The following GADL1 variants were observed in gnomAD, a reference collection of about 807,000 sequenced individuals.
The protein encoded by GADL1 is GAD like acidic amino acid decarboxylase 1.
Under a neutral mutation model 69.5 loss-of-function variants are expected in GADL1, and 71 were observed. The ratio of observed to expected loss-of-function variants is 1.02; its 90% CI spans 0.84 to 1.25. GADL1 has a LOEUF of 1.25. Ranked by LOEUF, GADL1 falls within the 50% of genes most tolerant of loss-of-function variation. The pLI is 0.00. For synonymous variants in GADL1, 254 were observed against 214.4 expected, an observed-to-expected ratio of 1.18 and a Z score of -1.62; for missense variants, 737 against 631.8, an observed-to-expected ratio of 1.17 and a Z score of -1.79.
intron 14 of GADL1, among the ~76,000 whole-genome samples, chr3:30,765,221 T>C (rs304837): frequency 0.44 from 66,859 of 151,916 alleles, 14,729 homozygotes; most frequent in African/African-American, 0.46. Context: ...ATTCCCCACA[T>C]GGATCACCAC....
intron 14 of GADL1, among the ~76,000 whole-genome samples, chr3:30,746,514 T>TAAA (rs1303228285): frequency 6.6e-6 from 1 of 152,078 alleles, no homozygotes; most frequent in Non-Finnish European, 1.5e-5. Context: ...CACAGGGGCA[T>TAAA]AAAAAACAGC....
At chr3:30,849,843 G>T (rs773859253) in intron 6 of GADL1, among the ~76,000 whole-genome samples, 153 bp downstream of exon 6, 1 of 152,004 alleles carries the variant, frequency 6.6e-6, no homozygotes, top group Non-Finnish European at 1.5e-5. Context: ...CATCAAACTC[G>T]TTAGAATTTA....
chr3:30,763,797 T>C (rs543999027), intron 14 of GADL1, among the ~76,000 whole-genome samples: 1 of 152,270 alleles, frequency 6.6e-6, no homozygotes, highest in Admixed American at 6.5e-5. Context: ...TCTCCATCTA[T>C]AGAGATATAG....
At chr3:30,776,831 GCTT>G (rs1696551689) in intron 14 of GADL1, among the ~76,000 whole-genome samples, 1 of 152,128 alleles carries the variant, frequency 6.6e-6, no homozygotes, top group African/African-American at 2.4e-5. Context: ...TCCCATCACT[GCTT>G]CTTTGCACCC....
chr3:30,795,117 C>T (rs561325674), intron 12 of GADL1, among the ~76,000 whole-genome samples: 67 of 152,098 alleles, frequency 4.4e-4, no homozygotes, highest in Non-Finnish European at 7.5e-4. Flanking sequence ...AAAGAAGTTA[C>T]GCTTCTTGGA....
intron 11 of GADL1, among the ~76,000 whole-genome samples, chr3:30,803,058 C>T (rs929224105): frequency 6.6e-6 from 1 of 152,142 alleles, no homozygotes; most frequent in African/African-American, 2.4e-5. Context: ...CACCACAGCT[C>T]ACCAGCCTAC....
rs559751185 is a variant in GADL1, at chr3:30,779,731, C to T, written c.1303-1463G>A. On this transcript the variant is annotated intron_variant, in intron 13 of 14. Coordinates refer to ENST00000282538, the MANE Select transcript of GADL1 (RefSeq NM_207359.3). ...AGTAGAAGAAAAATATAGTAATTAT[C>T]TGTCACTAGATTGTGTTATGTCAGT... 2.5e-4 allele frequency among the ~76,000 whole-genome samples: 38 copies of T among 152,292 alleles called. 1 individual carries two copies. The highest frequency in any genetic ancestry group is 8.9e-4 in the African/African-American group (37 of 41,558).
At chr3:30,815,350 G>A (rs1185499044) in intron 11 of GADL1, among the ~76,000 whole-genome samples, 7 of 152,140 alleles carry the variant, frequency 4.6e-5, no homozygotes, top group African/African-American at 1.7e-4. Flanking sequence ...TAGGAGGAGG[G>A]CTATGTGATG....
At chr3:30,750,482 A>G (rs1007554657) in intron 14 of GADL1, among the ~76,000 whole-genome samples, 5 of 152,166 alleles carry the variant, frequency 3.3e-5, no homozygotes, top group African/African-American at 9.6e-5. Context: ...CTTCCAAAAC[A>G]CCAGGTCTAC....
chr3:30,753,636 CT>C (rs10663636), intron 14 of GADL1, among the ~76,000 whole-genome samples: 1 of 151,796 alleles, frequency 6.6e-6, no homozygotes, highest in African/African-American at 2.4e-5. Context: ...TAAGATCACT[CT>C]TGTTTACTTG....
At chr3:30,764,385 G>A (rs1260983746) in intron 14 of GADL1, among the ~76,000 whole-genome samples, 6 of 151,976 alleles carry the variant, frequency 3.9e-5, no homozygotes. Context: ...ATTCTCTTGA[G>A]TTATGTAACT....
intron 13 of GADL1, chr3:30,778,892 T>C (rs1696596264): frequency 6.6e-6 from 1 of 152,172 alleles, no homozygotes; most frequent in Admixed American, 6.5e-5. Context: ...GGAACTCAGG[T>C]TCCTATGTTC....
Position 30,834,286 on chromosome 3 carries a change from TG to T in GADL1, c.904-6del. 6.2e-7 allele frequency: 1 copy of T among 1,609,414 alleles called. No individual in the cohort carries two copies. Among genetic ancestry groups the T allele is most frequent in the African/African-American group, 1.3e-5 (1 of 74,880 alleles). On this transcript the variant is annotated splice_region_variant and splice_polypyrimidine_tract_variant and intron_variant, in intron 9 of 14. Coordinates refer to ENST00000282538, the MANE Select transcript of GADL1 (RefSeq NM_207359.3). Reference sequence around the variant, plus strand: ...AGCTGAGCCACCCCAAGAAGCCTGTTGAGATATTTACAGTACCAGAACAATG... The same window carrying T: ...AGCTGAGCCACCCCAAGAAGCCTGTTAGATATTTACAGTACCAGAACAATG...
intron 11 of GADL1, among the ~76,000 whole-genome samples, chr3:30,803,709 G>A (rs1697202490): frequency 6.6e-6 from 1 of 152,118 alleles, no homozygotes; most frequent in African/African-American, 2.4e-5. Context: ...GGAGGCTTGG[G>A]ATTTACTTTA....
chr3:30,774,671 A>G (rs546527642), intron 14 of GADL1, among the ~76,000 whole-genome samples: 53 of 152,298 alleles, frequency 3.5e-4, no homozygotes, highest in African/African-American at 1.2e-3. Flanking sequence ...TTCATATTGT[A>G]TATAAAGTCT....
chr3:30,756,062 A>AGG (rs1189234561), intron 14 of GADL1, among the ~76,000 whole-genome samples: 1 of 152,172 alleles, frequency 6.6e-6, no homozygotes, highest in Non-Finnish European at 1.5e-5. Flanking sequence ...AGGGCTGTGC[A>AGG]GGAGGAGTTT....
chr3:30,825,992 T>G (rs1464968554), intron 11 of GADL1, among the ~76,000 whole-genome samples: 1 of 151,904 alleles, frequency 6.6e-6, no homozygotes, highest in Non-Finnish European at 1.5e-5. Flanking sequence ...AGGCAGATAC[T>G]TGGAATCCAT....
chr3:30,763,621 C>T (rs187830054), intron 14 of GADL1, among the ~76,000 whole-genome samples: 81 of 152,146 alleles, frequency 5.3e-4, no homozygotes, highest in South Asian at 1.7e-3. Context: ...ATGATTTTGC[C>T]CAACTATAGT....
chr3:30,881,439 G>A (rs1698639463), intron 1 of GADL1, among the ~76,000 whole-genome samples: 1 of 151,808 alleles, frequency 6.6e-6, no homozygotes, highest in Non-Finnish European at 1.5e-5. Flanking sequence ...ACAAAACAAT[G>A]GCTAAGCTTG....
Sources: gnomAD v4.1 joint callset for allele counts (sites outside exome capture counted in the v4.1 genomes callset) on GRCh38, gnomAD v4.1.1 for gene constraint, MANE v1.5 for transcripts, NCBI Gene and HGNC (gene_info 2026-07-23, HGNC 2026-07-21) for gene names.